TMEM38B: variants seen among roughly 807,000 people sequenced by gnomAD.
TMEM38B encodes the protein trimeric intracellular cation channel type B.
TMEM38B carries 24 observed loss-of-function variants against 28.7 expected under a neutral mutation model. That is an observed-to-expected ratio of 0.84 (90% CI 0.61 to 1.18). The LOEUF is 1.18. Ranked by LOEUF, TMEM38B falls within the 50% of genes most tolerant of loss-of-function variation. TMEM38B has a pLI of 0.00. For synonymous variants in TMEM38B, 131 were observed against 127.7 expected (o/e 1.03, Z -0.17); for missense variants, 380 against 350.9 (o/e 1.08, Z -0.66).
At chr9:105,733,322 G>A (rs1023165394) in intron 4 of TMEM38B, among the ~76,000 whole-genome samples, 3 of 151,896 alleles carry the variant, frequency 2.0e-5, no homozygotes, top group East Asian at 3.9e-4. Context: ...CACCTAGGTG[G>A]TTCTCCATCT....
At chr9:105,764,770 G>A (rs1384655587) in intron 5 of TMEM38B, among the ~76,000 whole-genome samples, 5 of 151,080 alleles carry the variant, frequency 3.3e-5, no homozygotes, top group African/African-American at 7.3e-5. Flanking sequence ...AGCCCGCATC[G>A]CCAAGTCATC....
At chr9:105,717,499 A>T (rs1229878064) in intron 2 of TMEM38B, among the ~76,000 whole-genome samples, 1 of 152,228 alleles carries the variant, frequency 6.6e-6, no homozygotes, top group Non-Finnish European at 1.5e-5. Context: ...ATGGCATATT[A>T]ATTCTGTTAC....
chr9:105,730,497 T>A (rs1191926799), intron 4 of TMEM38B, among the ~76,000 whole-genome samples: 2 of 152,232 alleles, frequency 1.3e-5, no homozygotes, highest in Non-Finnish European at 1.5e-5. Flanking sequence ...GATTTTTCCA[T>A]CCATGTTCAT....
At chr9:105,742,307 A>G (rs572345412) in intron 4 of TMEM38B, among the ~76,000 whole-genome samples, 1 of 152,312 alleles carries the variant, frequency 6.6e-6, no homozygotes, top group South Asian at 2.1e-4. Flanking sequence ...AGAACCACCA[A>G]TGTAGAGGTT....
intron 4 of TMEM38B, among the ~76,000 whole-genome samples, chr9:105,731,856 G>A (rs962438979): frequency 7.2e-5 from 11 of 152,080 alleles, no homozygotes; most frequent in African/African-American, 2.4e-4. Flanking sequence ...GGTATTTCTA[G>A]TTCTAGATCC....
Position 105,747,954 on chromosome 9 carries a change from A to T in TMEM38B, c.543-119A>T, listed in dbSNP as rs1588451372. On this transcript the variant is annotated intron_variant, in intron 4 of 5. Coordinates refer to ENST00000374692, the MANE Select transcript of TMEM38B (RefSeq NM_018112.3). ...TTTTTAAAGTGTTTTAACAAAACTCATTTTTGCATTACATCTATTAATAAC... is the reference window on the plus strand; with the variant it reads ...TTTTTAAAGTGTTTTAACAAAACTCTTTTTTGCATTACATCTATTAATAAC... The T allele has an allele frequency of 2.1e-5, 14 of 660,494 alleles. No individual in the cohort carries two copies. In the East Asian group the frequency reaches 3.8e-4, roughly 18 times the overall value. 40.9% of individuals were successfully genotyped at this position (660,494 alleles called of 1,614,324 possible).
intron 4 of TMEM38B, among the ~76,000 whole-genome samples, chr9:105,730,841 G>C (rs768216875): frequency 4.6e-5 from 7 of 152,170 alleles, no homozygotes; most frequent in Non-Finnish European, 7.4e-5. Flanking sequence ...AGATTTTCTA[G>C]TTTATTTGAG....
intron 4 of TMEM38B, 85 bp from the exon 5 acceptor site, chr9:105,747,987 GT>G (rs1324647645): frequency 1.2e-6 from 1 of 851,704 alleles, no homozygotes; most frequent in African/African-American, 1.7e-5. Flanking sequence ...AACCCATTAA[GT>G]TAATGTTTTG....
At chr9:105,710,958 A>C (rs1324563970) in intron 2 of TMEM38B, among the ~76,000 whole-genome samples, 1 of 152,194 alleles carries the variant, frequency 6.6e-6, no homozygotes, top group Non-Finnish European at 1.5e-5. Context: ...AGCTGGGACC[A>C]CGGTGGTTCT....
chr9:105,743,734 G>C (rs912004009), intron 4 of TMEM38B, among the ~76,000 whole-genome samples: 1 of 152,148 alleles, frequency 6.6e-6, no homozygotes, highest in East Asian at 1.9e-4. Flanking sequence ...CATTGGCCAT[G>C]ATGTGAGTAT....
At chr9:105,742,297 A>G (rs1013592019) in intron 4 of TMEM38B, among the ~76,000 whole-genome samples, 7 of 152,240 alleles carry the variant, frequency 4.6e-5, no homozygotes, top group Non-Finnish European at 1.0e-4. Context: ...TGCAGAGGTC[A>G]GAACCACCAA....
At chr9:105,765,125 T>A (rs1020327542) in intron 5 of TMEM38B, among the ~76,000 whole-genome samples, 1 of 152,222 alleles carries the variant, frequency 6.6e-6, no homozygotes, top group African/African-American at 2.4e-5. Context: ...TTGGACCAAA[T>A]TGAATTCTTT....
intron 5 of TMEM38B, among the ~76,000 whole-genome samples, chr9:105,772,040 C>G (rs896619679): frequency 4.6e-5 from 7 of 152,168 alleles, no homozygotes; most frequent in African/African-American, 1.4e-4. Context: ...CTTCAGTTTG[C>G]CCTTCTACAG....
intron 1 of TMEM38B, among the ~76,000 whole-genome samples, chr9:105,704,117 G>A (rs567557819): frequency 2.0e-5 from 3 of 151,850 alleles, no homozygotes; most frequent in African/African-American, 2.4e-5. Context: ...AGCATCAGGC[G>A]ATATACCTAA....
chr9:105,728,896 C>A (rs909774213), intron 4 of TMEM38B, among the ~76,000 whole-genome samples: 1 of 151,836 alleles, frequency 6.6e-6, no homozygotes, highest in African/African-American at 2.4e-5. Flanking sequence ...AGGGTCTGTT[C>A]ATATCCTTTG....
intron 1 of TMEM38B, among the ~76,000 whole-genome samples, chr9:105,704,001 A>C (rs1033658167): frequency 6.7e-6 from 1 of 149,096 alleles, no homozygotes; most frequent in South Asian, 2.2e-4. Flanking sequence ...CAAACACCGC[A>C]TATTCTCACT....
chr9:105,762,072 A>G lies in TMEM38B; in HGVS notation c.661-11793A>G, dbSNP rs532931619. Among the ~76,000 whole-genome samples the G allele has an allele frequency of 1.1e-3, 171 of 152,238 alleles. 1 individual carries two copies. Among genetic ancestry groups the G allele is most frequent in the African/African-American group, 3.9e-3 (161 of 41,554 alleles). On this transcript the variant is annotated intron_variant, in intron 5 of 5. Transcript: ENST00000374692. ...ATCTATTCCTTAAGTGTAAAGAAAT[A>G]TATAATGCCTGGGTTGCAATAAAAT...
chr9:105,710,827 C>T (rs1480229203), intron 2 of TMEM38B: 4 of 390,814 alleles, frequency 1.0e-5, no homozygotes, highest in African/African-American at 2.1e-5. Context: ...CCCAGCAAAC[C>T]GTCCATGGCT....
intron 5 of TMEM38B, among the ~76,000 whole-genome samples, chr9:105,752,728 T>G (rs1564411576): frequency 6.6e-6 from 1 of 152,066 alleles, no homozygotes; most frequent in African/African-American, 2.4e-5. Context: ...AATGCAAAAA[T>G]GGTGAAAACT....
Sources: allele counts gnomAD v4.1 joint callset (sites outside exome capture counted in the v4.1 genomes callset), GRCh38; gene constraint gnomAD v4.1.1; transcripts MANE v1.5; gene names NCBI Gene and HGNC (gene_info 2026-07-23, HGNC 2026-07-21).